Variants in DTHD1 observed in about 807,000 individuals in gnomAD.
The protein encoded by DTHD1 is death domain containing 1, also known as death domain-containing protein 1.
A neutral mutation model predicts 74.8 loss-of-function variants in DTHD1; 59 were observed. That is an observed-to-expected ratio of 0.79 (90% CI 0.64 to 0.98). The LOEUF (loss-of-function observed/expected upper bound fraction) is 0.98. DTHD1 is among the 50% of genes least tolerant of loss of function. The pLI, the probability that DTHD1 is intolerant of heterozygous loss-of-function variation, is 0.00. For missense variants in DTHD1, 1,051 were observed against 1,065.4 expected (o/e 0.99, Z 0.19); for synonymous variants, 365 against 371.1 (o/e 0.98, Z 0.19).
chr4:36,326,007 C>T (rs1033471556), intron 8 of DTHD1, among the ~76,000 whole-genome samples: 4 of 152,132 alleles, frequency 2.6e-5, no homozygotes, highest in South Asian at 2.1e-4. Flanking sequence ...AGCCAGTTAC[C>T]GTGGCATATA....
chr4:36,335,615 C>T (rs1448875850), intron 8 of DTHD1, among the ~76,000 whole-genome samples: 1 of 152,048 alleles, frequency 6.6e-6, no homozygotes, highest in Non-Finnish European at 1.5e-5. Context: ...CTTTCCTGGC[C>T]CTCAAAAACG....
At chr4:36,304,264 C>T (rs1756928628) in intron 5 of DTHD1, among the ~76,000 whole-genome samples, 1 of 152,182 alleles carries the variant, frequency 6.6e-6, no homozygotes, top group African/African-American at 2.4e-5. Flanking sequence ...ATTCTGGATT[C>T]AGTAAGAGTA....
At chr4:36,298,775 A>G (rs551009516) in intron 5 of DTHD1, among the ~76,000 whole-genome samples, 47 of 152,192 alleles carry the variant, frequency 3.1e-4, no homozygotes, top group Non-Finnish European at 5.1e-4. Context: ...GAGGAACAAT[A>G]CTTTATTAAA....
chr4:36,320,693 G>A (rs556224895), intron 8 of DTHD1, among the ~76,000 whole-genome samples: 1 of 152,246 alleles, frequency 6.6e-6, no homozygotes, highest in South Asian at 2.1e-4. Context: ...AACTAAATGG[G>A]AATTGAAACT....
At chr4:36,322,357 G>A (rs1452537678) in intron 8 of DTHD1, among the ~76,000 whole-genome samples, 10 of 152,138 alleles carry the variant, frequency 6.6e-5, no homozygotes, top group Non-Finnish European at 8.8e-5. Flanking sequence ...CCAAAAATGT[G>A]AGGAGGACAG....
intron 8 of DTHD1, among the ~76,000 whole-genome samples, chr4:36,321,466 T>C (rs915570113): frequency 2.6e-5 from 4 of 152,218 alleles, no homozygotes; most frequent in Non-Finnish European, 5.9e-5. Context: ...GTGTGCTTCT[T>C]ACAAGAATCT....
At chr4:36,313,772 A>C (rs1205345679) in intron 7 of DTHD1, among the ~76,000 whole-genome samples, 1 of 152,186 alleles carries the variant, frequency 6.6e-6, no homozygotes, top group Non-Finnish European at 1.5e-5. Flanking sequence ...ACCATTTCTT[A>C]TGAATAATTG....
rs1755590065 is a variant in DTHD1 at position 36,284,526 on chromosome 4, T to C, written c.822T>C (p.Tyr274=). Residue 274 remains tyrosine, a synonymous_variant, in exon 2 of 10, where the codon TAT becomes TAC. Transcript: ENST00000639862. ...TAATATGTGATATCTCCAAGAAATA[T>C]ATAAATAGTACTCTTCCCAATGATT... The part of the protein sequence containing the change: ...SSIICDISKK[Y]INSTLPNDSE... The C allele has an allele frequency of 1.3e-6, 2 of 1,535,506 alleles. No homozygotes were observed. The highest frequency in any genetic ancestry group is 2.0e-5 in the Admixed American group (1 of 50,730).
chr4:36,306,156 A>T (rs1340061825), intron 5 of DTHD1, 35 bp from the exon 6 acceptor site: 27 of 1,517,174 alleles, frequency 1.8e-5, no homozygotes, highest in Non-Finnish European at 2.3e-5. Flanking sequence ...TATCATGTAA[A>T]TTGTACCAAT....
At chr4:36,290,752 T>C in intron 3 of DTHD1, 49 bp downstream of exon 3, 1 of 1,358,284 alleles carries the variant, frequency 7.4e-7, no homozygotes. Flanking sequence ...GCTCCTCTTA[T>C]AAATATCACT....
intron 8 of DTHD1, among the ~76,000 whole-genome samples, chr4:36,326,263 A>G (rs1055575672): frequency 1.3e-5 from 2 of 149,682 alleles, no homozygotes; most frequent in Non-Finnish European, 3.0e-5. Context: ...CTTTGAATAT[A>G]TATATAACAT....
At chr4:36,333,192 A>G (rs139969656) in intron 8 of DTHD1, among the ~76,000 whole-genome samples, 8 of 152,008 alleles carry the variant, frequency 5.3e-5, no homozygotes, top group Non-Finnish European at 1.0e-4. Context: ...ATTACACATT[A>G]TTATATAGCA....
chr4:36,337,196 G>C (rs983622138), intron 8 of DTHD1, among the ~76,000 whole-genome samples: 2 of 152,138 alleles, frequency 1.3e-5, no homozygotes, highest in East Asian at 3.9e-4. Context: ...GGAGGAAAAT[G>C]AAAGTGAAGG....
At chr4:36,292,752 A>C (rs573805609) in intron 3 of DTHD1, among the ~76,000 whole-genome samples, 2 of 152,346 alleles carry the variant, frequency 1.3e-5, no homozygotes, top group Non-Finnish European at 2.9e-5. Context: ...TTATCCACGC[A>C]TGCTGGGGCA....
chr4:36,291,458 T>C (rs943608750), intron 3 of DTHD1, among the ~76,000 whole-genome samples: 2 of 152,222 alleles, frequency 1.3e-5, no homozygotes, highest in Admixed American at 6.5e-5. Flanking sequence ...TCATGTCAAA[T>C]TTTAATTGTA....
At chr4:36,282,665 T>C (rs1232052225) in intron 1 of DTHD1, among the ~76,000 whole-genome samples, 1 of 152,074 alleles carries the variant, frequency 6.6e-6, no homozygotes, top group African/African-American at 2.4e-5. Flanking sequence ...ATAACAACAG[T>C]TACTCCAGAT....
rs546883489 is a variant in DTHD1, at chr4:36,325,994, C to T, written c.2340+9508C>T. ...CATTGGATGTCTATTGATTAAAAGT[C>T]CAAGCCAGTTACCGTGGCATATAGG... On this transcript the variant is annotated intron_variant, in intron 8 of 9. Transcript: ENST00000639862. 2.6e-5 allele frequency among the ~76,000 whole-genome samples: 4 copies of T among 152,266 alleles called. No homozygotes were observed. The East Asian group carries it at 7.7e-4, about 29-fold the overall frequency.
At chr4:36,319,283 C>A (rs1757925165) in intron 8 of DTHD1, among the ~76,000 whole-genome samples, 1 of 152,200 alleles carries the variant, frequency 6.6e-6, no homozygotes. Context: ...CCCTAAATAT[C>A]TATGACTTGG....
intron 8 of DTHD1, among the ~76,000 whole-genome samples, chr4:36,326,989 C>T (rs532919296): frequency 3.3e-5 from 5 of 149,880 alleles, no homozygotes; most frequent in East Asian, 2.0e-4. Context: ...TTTCTTCAGA[C>T]GGAGTCTCGC....
Sources: gnomAD v4.1 joint callset for allele counts (sites outside exome capture counted in the v4.1 genomes callset) on GRCh38, gnomAD v4.1.1 for gene constraint, MANE v1.5 for transcripts, NCBI Gene and HGNC (gene_info 2026-07-23, HGNC 2026-07-21) for gene names.